The following ARL15 variants were observed in gnomAD, a reference collection of about 807,000 sequenced individuals.
The protein encoded by ARL15 is ADP-ribosylation factor-like protein 15.
A neutral mutation model predicts 25.2 loss-of-function variants in ARL15; 19 were observed. That is an observed-to-expected ratio of 0.75 (90% confidence interval 0.53 to 1.10). ARL15 has a LOEUF of 1.10. Among genes scored for constraint, ARL15 ranks in the 50% least tolerant of loss-of-function variants. ARL15 has a pLI of 0.00. For missense variants in ARL15, 220 were observed against 246.0 expected, an observed-to-expected ratio of 0.89 and a Z score of 0.71; for synonymous variants, 94 against 86.8, an observed-to-expected ratio of 1.08 and a Z score of -0.46.
At chr5:54,307,594 G>A (rs1044404784) in intron 1 of ARL15, among the ~76,000 whole-genome samples, 7 of 152,128 alleles carry the variant, frequency 4.6e-5, no homozygotes, top group Non-Finnish European at 7.3e-5. Context: ...ACAGCGACCC[G>A]AAGATCAGTA....
At chr5:54,062,118 T>G (rs1329172656) in intron 4 of ARL15, among the ~76,000 whole-genome samples, 2 of 152,192 alleles carry the variant, frequency 1.3e-5, no homozygotes, top group Non-Finnish European at 2.9e-5. Flanking sequence ...TTGGTCAATT[T>G]CTCCCATTTG....
At chr5:54,077,829 T>C (rs946716191) in intron 4 of ARL15, among the ~76,000 whole-genome samples, 2 of 152,182 alleles carry the variant, frequency 1.3e-5, no homozygotes, top group Non-Finnish European at 1.5e-5. Context: ...AGCTCTAACA[T>C]GACCTGATTT....
chr5:54,305,365 T>A (rs1758729699), intron 1 of ARL15, among the ~76,000 whole-genome samples: 1 of 152,078 alleles, frequency 6.6e-6, no homozygotes, highest in African/African-American at 2.4e-5. Context: ...CTGGGCATGG[T>A]GGTGGGCACC....
At chr5:53,923,914 A>C (rs6864496) in intron 4 of ARL15, among the ~76,000 whole-genome samples, 47 of 152,026 alleles carry the variant, frequency 3.1e-4, no homozygotes, top group Admixed American at 2.3e-3. Context: ...TTTCAGACCA[A>C]GTAAACACTG....
intron 4 of ARL15, among the ~76,000 whole-genome samples, chr5:54,060,129 T>TAAAAAA (rs1165458695): frequency 2.7e-4 from 21 of 77,576 alleles, no homozygotes; most frequent in East Asian, 4.7e-4. Flanking sequence ...ATCTGATGAC[T>TAAAAAA]AAAAAAAAAA....
At chr5:53,982,194 T>C (rs1282727852) in intron 4 of ARL15, among the ~76,000 whole-genome samples, 3 of 151,976 alleles carry the variant, frequency 2.0e-5, no homozygotes, top group Non-Finnish European at 4.4e-5. Context: ...TCTTTTCTTT[T>C]TTTATACTTT....
intron 4 of ARL15, among the ~76,000 whole-genome samples, chr5:53,944,968 T>C (rs1303969888): frequency 2.0e-5 from 3 of 152,166 alleles, no homozygotes; most frequent in African/African-American, 7.2e-5. Flanking sequence ...TGGGATGGAA[T>C]TGACATTTAG....
intron 1 of ARL15, among the ~76,000 whole-genome samples, chr5:54,233,234 G>C (rs1303190797): frequency 6.6e-6 from 1 of 152,142 alleles, no homozygotes; most frequent in Non-Finnish European, 1.5e-5. Flanking sequence ...TTGTCTCAAG[G>C]AAAAGTACTC....
rs150638950 is a variant in ARL15 at position 54,251,849 on chromosome 5, A to G, written c.48+58583T>C. Among the ~76,000 whole-genome samples, 335 of 152,320 alleles carry G rather than the reference A, an allele frequency of 2.2e-3. 1 individual carries two copies. The highest frequency in any genetic ancestry group is 7.8e-3 in the African/African-American group (324 of 41,570). On this transcript the variant is annotated intron_variant, in intron 1 of 4. Coordinates refer to ENST00000504924, the MANE Select transcript of ARL15 (RefSeq NM_019087.3). ...CCCTGGAGGACATTAAAAAATCCCA[A>G]TGCTAGGCCACACCACAAACCAATT...
intron 1 of ARL15, among the ~76,000 whole-genome samples, chr5:54,182,456 T>A (rs1425331180): frequency 6.6e-6 from 1 of 151,228 alleles, no homozygotes; most frequent in Non-Finnish European, 1.5e-5. Flanking sequence ...ATCAGATAGT[T>A]GTAGGTATGC....
intron 1 of ARL15, among the ~76,000 whole-genome samples, chr5:54,216,688 A>G (rs1280611140): frequency 2.0e-5 from 3 of 152,248 alleles, no homozygotes; most frequent in Non-Finnish European, 4.4e-5. Context: ...TAATCATTCC[A>G]TGGAGGGTGA....
intron 3 of ARL15, among the ~76,000 whole-genome samples, chr5:54,133,218 A>G (rs935286778): frequency 1.4e-4 from 22 of 152,238 alleles, no homozygotes; most frequent in Admixed American, 1.4e-3. Flanking sequence ...CAACACAGGC[A>G]TATAGAAGAT....
At chr5:54,281,595 C>A (rs947688608) in intron 1 of ARL15, among the ~76,000 whole-genome samples, 1 of 152,186 alleles carries the variant, frequency 6.6e-6, no homozygotes, top group Admixed American at 6.5e-5. Context: ...ACCACCATCA[C>A]CACCAGTTGT....
intron 4 of ARL15, among the ~76,000 whole-genome samples, chr5:53,961,943 T>C (rs1320204149): frequency 6.6e-6 from 1 of 152,200 alleles, no homozygotes; most frequent in East Asian, 1.9e-4. Flanking sequence ...TGGAGTTCTA[T>C]ACTACAGATG....
chr5:53,981,915 G>T (rs151239364), intron 4 of ARL15, among the ~76,000 whole-genome samples: 2 of 115,696 alleles, frequency 1.7e-5, no homozygotes, highest in Non-Finnish European at 2.0e-5. Flanking sequence ...AAAAAGAAAA[G>T]AAAAAAGAAA....
At chr5:54,203,385 T>A (rs1755775677) in intron 1 of ARL15, among the ~76,000 whole-genome samples, 1 of 152,214 alleles carries the variant, frequency 6.6e-6, no homozygotes. Flanking sequence ...TCGACTTTTT[T>A]AAAAACAAAA....
chr5:54,059,032 TA>T (rs1428605680), intron 4 of ARL15, among the ~76,000 whole-genome samples: 12 of 152,324 alleles, frequency 7.9e-5, no homozygotes, highest in Admixed American at 4.6e-4. Flanking sequence ...GTTCCCTTTT[TA>T]AACTGCAGTC....
At chr5:54,081,627 C>T (rs1462522713) in intron 4 of ARL15, among the ~76,000 whole-genome samples, 1 of 152,128 alleles carries the variant, frequency 6.6e-6, no homozygotes, top group Non-Finnish European at 1.5e-5. Context: ...GCTTTTCCCC[C>T]TTTGTTCAGC....
intron 1 of ARL15, among the ~76,000 whole-genome samples, chr5:54,235,495 C>CT (rs35079877): frequency 0.64 from 93,840 of 145,758 alleles, 31,010 homozygotes; most frequent in Non-Finnish European, 0.75. Context: ...ATAGTTAAAC[C>CT]TTTTTTTTTT....
Sources: gnomAD v4.1 joint callset for allele counts (sites outside exome capture counted in the v4.1 genomes callset) on GRCh38, gnomAD v4.1.1 for gene constraint, MANE v1.5 for transcripts, NCBI Gene and HGNC (gene_info 2026-07-23, HGNC 2026-07-21) for gene names.